Variants in RBMS3 observed in about 807,000 individuals in gnomAD.
RBMS3 encodes the protein RNA binding motif single stranded interacting protein 3.
Under a neutral mutation model 66.8 loss-of-function variants are expected in RBMS3, and 27 were observed. The observed-to-expected ratio is 0.40, with a 90% confidence interval of 0.30 to 0.56. The LOEUF (loss-of-function observed/expected upper bound fraction) is 0.56. Among genes scored for constraint, RBMS3 ranks in the 20% least tolerant of loss-of-function variants. RBMS3 has a pLI of 0.40. For missense variants in RBMS3, 513 were observed against 549.5 expected (o/e 0.93, Z 0.66); for synonymous variants, 188 against 183.0 (o/e 1.03, Z -0.22).
At chr3:29,563,716 T>C (rs2046636390) in intron 3 of RBMS3, among the ~76,000 whole-genome samples, 1 of 152,020 alleles carries the variant, frequency 6.6e-6, no homozygotes, top group East Asian at 1.9e-4. Flanking sequence ...AATATTATAA[T>C]TGGATGTATA....
chr3:29,922,590 C>A (rs2149659676), intron 10 of RBMS3, among the ~76,000 whole-genome samples: 1 of 151,534 alleles, frequency 6.6e-6, no homozygotes, highest in South Asian at 2.1e-4. Flanking sequence ...TGTACAGTAC[C>A]AAAATATCTT....
At position 29,787,686 on chromosome 3, in the gene RBMS3, A is replaced by G. The variant is rs558975940; in HGVS notation, c.637+24697A>G. Among the ~76,000 whole-genome samples the G allele has an allele frequency of 2.8e-3, 422 of 152,232 alleles. 2 individuals are homozygous for G. Among genetic ancestry groups the G allele is most frequent in the Non-Finnish European group, 4.6e-3 (311 of 68,002 alleles). Reference sequence around the variant, plus strand: ...TACATTGGACTTTGGGGACTCAGGGAAAAAGGGTTGGTGGTGGCAAGAAAT... The same window carrying G: ...TACATTGGACTTTGGGGACTCAGGGGAAAAGGGTTGGTGGTGGCAAGAAAT... On this transcript the variant is annotated intron_variant, in intron 6 of 14. Coordinates refer to ENST00000383767, the MANE Select transcript of RBMS3 (RefSeq NM_001003793.3).
intron 2 of RBMS3, among the ~76,000 whole-genome samples, chr3:29,470,189 G>A (rs910738054): frequency 6.6e-6 from 1 of 151,600 alleles, no homozygotes; most frequent in Non-Finnish European, 1.5e-5. Flanking sequence ...TTTACCTTTT[G>A]CCTGTAATGA....
At chr3:29,495,322 C>T (rs1323262342) in intron 3 of RBMS3, among the ~76,000 whole-genome samples, 1 of 151,364 alleles carries the variant, frequency 6.6e-6, no homozygotes, top group African/African-American at 2.4e-5. Context: ...AGGCCATACA[C>T]TTGGATGACT....
At chr3:29,487,825 A>T (rs772508470) in intron 2 of RBMS3, among the ~76,000 whole-genome samples, 1 of 152,154 alleles carries the variant, frequency 6.6e-6, no homozygotes, top group Non-Finnish European at 1.5e-5. Context: ...ATGATGCAAA[A>T]AGCACATATT....
At chr3:29,586,820 G>A (rs752773772) in intron 3 of RBMS3, among the ~76,000 whole-genome samples, 8 of 152,168 alleles carry the variant, frequency 5.3e-5, no homozygotes, top group East Asian at 1.9e-4. Flanking sequence ...GAAAGAACAC[G>A]GTTAAACAGT....
rs1047903562 is a variant in RBMS3, at chr3:29,910,137, A to T, written c.939+10382A>T. On this transcript the variant is annotated intron_variant, in intron 10 of 14. Transcript: ENST00000383767. The stretch of plus-strand genomic sequence containing the variant: ...CAAATAGAAATAATGTTAAATATCC[A>T]ATCTATTAAATTCTTATTTCCTAAA... 3.9e-5 allele frequency among the ~76,000 whole-genome samples: 6 copies of T among 152,166 alleles called. 1 individual carries two copies. The highest frequency in any genetic ancestry group is 1.4e-4 in the African/African-American group (6 of 41,440).
chr3:29,529,409 A>G (rs946521405), intron 3 of RBMS3, among the ~76,000 whole-genome samples: 38 of 152,284 alleles, frequency 2.5e-4, no homozygotes, highest in African/African-American at 8.7e-4. Context: ...GAAAAAAAAC[A>G]GATGAGCACA....
At chr3:29,441,319 G>A (rs2041612212) in intron 2 of RBMS3, among the ~76,000 whole-genome samples, 1 of 152,094 alleles carries the variant, frequency 6.6e-6, no homozygotes, top group African/African-American at 2.4e-5. Flanking sequence ...CTGTAAACTA[G>A]ACATAGTATT....
At chr3:29,794,476 C>A (rs2057116547) in intron 6 of RBMS3, among the ~76,000 whole-genome samples, 1 of 152,070 alleles carries the variant, frequency 6.6e-6, no homozygotes, top group South Asian at 2.1e-4. Flanking sequence ...GTCCCAGCTA[C>A]TCGGGAGGCT....
At chr3:29,353,796 G>A (rs1408669096) in intron 1 of RBMS3, among the ~76,000 whole-genome samples, 2 of 150,604 alleles carry the variant, frequency 1.3e-5, no homozygotes. Flanking sequence ...TATAAACCAG[G>A]AAAAAGAGAG....
At chr3:29,298,571 G>T (rs2033450280) in intron 1 of RBMS3, among the ~76,000 whole-genome samples, 2 of 151,006 alleles carry the variant, frequency 1.3e-5, no homozygotes, top group Admixed American at 6.6e-5. Flanking sequence ...AAATATTAAG[G>T]TAAAATTCTC....
At chr3:29,293,723 T>A (rs146729493) in intron 1 of RBMS3, among the ~76,000 whole-genome samples, 6 of 151,752 alleles carry the variant, frequency 4.0e-5, no homozygotes, top group African/African-American at 1.2e-4. Context: ...ATTTTTTTTT[T>A]CTTTGTTGTA....
chr3:29,524,644 A>G (rs1224513675), intron 3 of RBMS3, among the ~76,000 whole-genome samples: 2 of 150,986 alleles, frequency 1.3e-5, no homozygotes, highest in South Asian at 2.1e-4. Context: ...GGGTTTCGCA[A>G]TGTTGGCCAG....
At chr3:29,745,438 G>C (rs1271504424) in intron 5 of RBMS3, among the ~76,000 whole-genome samples, 1 of 152,256 alleles carries the variant, frequency 6.6e-6, no homozygotes, top group South Asian at 2.1e-4. Flanking sequence ...GGATCAGAGC[G>C]TAAATCATCC....
chr3:29,671,336 G>A (rs1185656830), intron 4 of RBMS3, among the ~76,000 whole-genome samples: 2 of 152,188 alleles, frequency 1.3e-5, no homozygotes, highest in East Asian at 3.8e-4. Flanking sequence ...AACCAGAGCA[G>A]AAAATCTGAA....
intron 6 of RBMS3, among the ~76,000 whole-genome samples, chr3:29,815,239 C>G (rs1360985202): frequency 2.0e-5 from 3 of 152,148 alleles, no homozygotes; most frequent in Non-Finnish European, 4.4e-5. Flanking sequence ...TCCTACATTT[C>G]TAGGTTTCTT....
intron 3 of RBMS3, among the ~76,000 whole-genome samples, chr3:29,534,735 T>G (rs1006768016): frequency 2.6e-5 from 4 of 152,218 alleles, no homozygotes; most frequent in African/African-American, 7.2e-5. Context: ...AATTATACTT[T>G]AAATAAGCCC....
chr3:29,615,733 A>C (rs781105503), intron 4 of RBMS3, among the ~76,000 whole-genome samples: 2 of 152,154 alleles, frequency 1.3e-5, no homozygotes, highest in Non-Finnish European at 2.9e-5. Context: ...GAGTTCCATA[A>C]TTTTGAATTC....
Sources: gnomAD v4.1 joint callset for allele counts (sites outside exome capture counted in the v4.1 genomes callset) on GRCh38, gnomAD v4.1.1 for gene constraint, MANE v1.5 for transcripts, NCBI Gene and HGNC (gene_info 2026-07-23, HGNC 2026-07-21) for gene names.